ERICH6B: variants seen among roughly 807,000 people sequenced by gnomAD.
The protein encoded by ERICH6B is glutamate rich 6B.
In ERICH6B, 69 loss-of-function variants were observed where a neutral mutation model predicts 80.0. That is an observed-to-expected ratio of 0.86 (90% CI 0.71 to 1.05). The LOEUF (loss-of-function observed/expected upper bound fraction) is 1.05. ERICH6B is among the 50% of genes least tolerant of loss of function. The pLI, the probability that ERICH6B is intolerant of heterozygous loss-of-function variation, is 0.00. For synonymous variants in ERICH6B, 283 were observed against 291.9 expected (o/e 0.97, Z 0.31); for missense variants, 754 against 796.1 (o/e 0.95, Z 0.64).
chr13:45,567,362 G>A (rs369045886), intron 9 of ERICH6B, among the ~76,000 whole-genome samples: 2 of 152,184 alleles, frequency 1.3e-5, no homozygotes, highest in Non-Finnish European at 2.9e-5. Context: ...GAGAGGGGCT[G>A]GTGGTGGGAT....
intron 11 of ERICH6B, among the ~76,000 whole-genome samples, chr13:45,559,883 A>G (rs965238505): frequency 4.6e-5 from 7 of 152,194 alleles, no homozygotes; most frequent in Non-Finnish European, 1.0e-4. Flanking sequence ...GTTGGGTAGA[A>G]TGTTCTGTAA....
intron 1 of ERICH6B, among the ~76,000 whole-genome samples, chr13:45,608,108 G>A (rs747263974): frequency 2.0e-5 from 3 of 152,154 alleles, no homozygotes; most frequent in East Asian, 1.9e-4. Context: ...GGGTGGCCAC[G>A]TCCCATTGAT....
At chr13:45,595,773 G>A (rs1876341761) in intron 3 of ERICH6B, among the ~76,000 whole-genome samples, 1 of 149,746 alleles carries the variant, frequency 6.7e-6, no homozygotes, top group South Asian at 2.1e-4. Flanking sequence ...CTCTTGAGTA[G>A]CTGGGACCAC....
intron 5 of ERICH6B, among the ~76,000 whole-genome samples, chr13:45,585,343 T>TGACCCAG (rs1169219480): frequency 1.3e-5 from 2 of 152,186 alleles, no homozygotes; most frequent in Non-Finnish European, 2.9e-5. Context: ...CATTTAATGG[T>TGACCCAG]GACCCAGGAC....
intron 7 of ERICH6B, among the ~76,000 whole-genome samples, chr13:45,577,346 C>T (rs1000516536): frequency 2.9e-5 from 4 of 136,538 alleles, no homozygotes; most frequent in South Asian, 2.4e-4. Context: ...TGCAGTGGCG[C>T]GATCTCAGCT....
chr13:45,568,353 C>A lies in ERICH6B; in HGVS notation c.1149G>T (p.Lys383Asn). The A allele has an allele frequency of 6.5e-7, 1 of 1,547,726 alleles. No individual in the cohort carries two copies. The highest frequency in any genetic ancestry group is 1.2e-5 in the South Asian group (1 of 82,954). The change falls in exon 9 of 15, where the codon AAG (lysine) becomes AAT (asparagine). Residue 383 changes from lysine (K) to asparagine (N), a missense_variant. Coordinates refer to ENST00000298738, the MANE Select transcript of ERICH6B (RefSeq NM_182542.3). Reference sequence around the variant, plus strand: ...TCCATCTGTTTTCACTTTCCAGTAGCTTAGTTAGGGGAATGTCAAAATCCT... The same window carrying A: ...TCCATCTGTTTTCACTTTCCAGTAGATTAGTTAGGGGAATGTCAAAATCCT... ...LEEDFDIPLT[K>N]LLESENRWKL...
chr13:45,591,452 T>C (rs1876152182), intron 3 of ERICH6B, among the ~76,000 whole-genome samples: 1 of 152,016 alleles, frequency 6.6e-6, no homozygotes, highest in South Asian at 2.1e-4. Flanking sequence ...AAAAATTAGC[T>C]GGATGTAGTG....
chr13:45,546,577 C>CT (rs1382640733), intron 13 of ERICH6B, among the ~76,000 whole-genome samples: 1 of 152,170 alleles, frequency 6.6e-6, no homozygotes, highest in Non-Finnish European at 1.5e-5. Context: ...GGCACGTGTA[C>CT]TTTTTCCCCA....
At chr13:45,602,998 C>G (rs2138030858) in intron 2 of ERICH6B, among the ~76,000 whole-genome samples, 1 of 152,314 alleles carries the variant, frequency 6.6e-6, no homozygotes, top group Non-Finnish European at 1.5e-5. Context: ...GCTGGAGAAT[C>G]AGGAAAGCTG....
chr13:45,591,574 C>A (rs918463618), intron 3 of ERICH6B, among the ~76,000 whole-genome samples: 2 of 151,848 alleles, frequency 1.3e-5, no homozygotes, highest in Admixed American at 1.3e-4. Context: ...CCAGCCTGGG[C>A]GACAGAGCAA....
At chr13:45,574,967 T>G (rs1365347885) in intron 7 of ERICH6B, 37 bp from the exon 8 acceptor site, 2 of 1,396,134 alleles carry the variant, frequency 1.4e-6, no homozygotes. Context: ...AGGAAGGGCA[T>G]GTGGAAAGAA....
chr13:45,565,859 G>T (rs978701739), intron 9 of ERICH6B, among the ~76,000 whole-genome samples: 3 of 152,190 alleles, frequency 2.0e-5, no homozygotes, highest in African/African-American at 7.2e-5. Flanking sequence ...AAATGCGGAA[G>T]TGACTTTGGA....
chr13:45,583,415 A>G (rs992865410), intron 5 of ERICH6B, among the ~76,000 whole-genome samples: 10 of 152,208 alleles, frequency 6.6e-5, no homozygotes, highest in Admixed American at 3.3e-4. Context: ...TAAAGTTCAC[A>G]GCCATTTTCC....
chr13:45,554,575 C>T (rs1338588471), intron 11 of ERICH6B, among the ~76,000 whole-genome samples: 1 of 152,220 alleles, frequency 6.6e-6, no homozygotes, highest in African/African-American at 2.4e-5. Flanking sequence ...TTCCTGATGA[C>T]AAGAACCCCA....
At chr13:45,581,622 C>G (rs1306591945) in intron 5 of ERICH6B, among the ~76,000 whole-genome samples, 1 of 152,236 alleles carries the variant, frequency 6.6e-6, no homozygotes, top group Non-Finnish European at 1.5e-5. Flanking sequence ...GGTGATCTGC[C>G]TGCCTCAGCC....
At chr13:45,602,251 C>T (rs927393744) in intron 2 of ERICH6B, among the ~76,000 whole-genome samples, 8 of 152,098 alleles carry the variant, frequency 5.3e-5, no homozygotes, top group South Asian at 2.1e-4. Context: ...GTACCTCTGC[C>T]TGGGAAAGCG....
intron 2 of ERICH6B, among the ~76,000 whole-genome samples, chr13:45,607,361 A>G (rs1024906101): frequency 1.3e-5 from 2 of 152,264 alleles, no homozygotes; most frequent in African/African-American, 4.8e-5. Flanking sequence ...TGCCCTGTTC[A>G]TAATGAGAAA....
intron 6 of ERICH6B, 128 bp downstream of exon 6, chr13:45,580,475 C>T: frequency 1.1e-6 from 1 of 917,490 alleles, no homozygotes; most frequent in East Asian, 2.6e-5. Context: ...TCCATTAAGC[C>T]TGCTCTGTTC....
At chr13:45,566,739 TCTCTG>T (rs1382155840) in intron 9 of ERICH6B, among the ~76,000 whole-genome samples, 5 of 152,204 alleles carry the variant, frequency 3.3e-5, no homozygotes, top group African/African-American at 1.2e-4. Context: ...TCATGGAGAA[TCTCTG>T]CTAGTGCAGT....
Sources: gnomAD v4.1 joint callset for allele counts (sites outside exome capture counted in the v4.1 genomes callset) on GRCh38, gnomAD v4.1.1 for gene constraint, MANE v1.5 for transcripts, NCBI Gene and HGNC (gene_info 2026-07-23, HGNC 2026-07-21) for gene names.